The following KCNA4 variants were observed in gnomAD, a reference collection of about 807,000 sequenced individuals.
KCNA4 encodes the protein potassium voltage-gated channel subfamily A member 4, also known as cardiac potassium channel.
KCNA4 carries 5 observed loss-of-function variants against 37.2 expected under a neutral mutation model. That is an observed-to-expected ratio of 0.13 (90% confidence interval 0.07 to 0.28). The LOEUF is 0.28. Ranked by LOEUF, KCNA4 falls within the 10% of genes least tolerant of loss-of-function variation. The pLI, the probability that KCNA4 is intolerant of heterozygous loss-of-function variation, is 1.00. For synonymous variants in KCNA4, 350 were observed against 311.8 expected, an observed-to-expected ratio of 1.12 and a Z score of -1.29; for missense variants, 634 against 817.4, an observed-to-expected ratio of 0.78 and a Z score of 2.74.
rs974475409 is a variant in KCNA4 at position 30,016,807 on chromosome 11, G to T, written c.-1018C>A. 1.3e-5 allele frequency: 5 copies of T among 391,504 alleles called. No individual in the cohort carries two copies. The highest frequency in any genetic ancestry group is 3.6e-5 in the East Asian group (1 of 27,626). 24.3% of individuals were successfully genotyped at this position (391,504 alleles called of 1,614,324 possible). A position where few individuals can be genotyped will look rare whatever the true frequency, so the allele number is the denominator to read the frequency against. On this transcript the variant is annotated 5_prime_UTR_variant, in exon 1 of 2. Coordinates refer to ENST00000328224, the MANE Select transcript of KCNA4 (RefSeq NM_002233.4). ...TCGCGGCTGGAGCCTGGGGGTGGGGGTTGGGGCTGCCCCAGAGAAGACCCC... is the reference window on the plus strand; with the variant it reads ...TCGCGGCTGGAGCCTGGGGGTGGGGTTTGGGGCTGCCCCAGAGAAGACCCC...
rs1850314313 is a variant in KCNA4 at position 30,012,410 on chromosome 11, G to A, written c.269C>T (p.Ser90Phe). Residue 90 changes from serine to phenylalanine, a missense_variant, in exon 2 of 2, where the codon TCT (serine) becomes TTT (phenylalanine). Physicochemically the swap from Ser to Phe is radical, Grantham distance 155. This residue lies in a region of KCNA4 where 236 missense variants were observed against 229.5 expected (regional missense o/e 1.03). Coordinates refer to ENST00000328224, the MANE Select transcript of KCNA4 (RefSeq NM_002233.4). ...RGSRRRRRQR[S>F]EKKKAHYRQS... is the part of the protein sequence containing the mutation. ...CCGGTAGTGGGCTTTCTTCTTCTCA[G>A]ACCGCTGTCGCCTCCTCCTCCGACT... The A allele has an allele frequency of 6.2e-7, 1 of 1,613,762 alleles. No individual in the cohort carries two copies.
At position 30,010,549 on chromosome 11, in the gene KCNA4, T is replaced by C. The variant is rs1471619689; in HGVS notation, c.*168A>G. On this transcript the variant is annotated 3_prime_UTR_variant, in exon 2 of 2. Coordinates refer to ENST00000328224, the MANE Select transcript of KCNA4 (RefSeq NM_002233.4). ...CCTCTTCTCCAAGATGTATCATTTA[T>C]TTGATATGTAATACAAGTTTAGTAA... The C allele has an allele frequency of 9.9e-7, 1 of 1,014,270 alleles. No homozygotes were observed. The highest frequency in any genetic ancestry group is 1.3e-6 in the Non-Finnish European group (1 of 740,842). The allele number at this position is 1,014,270 out of a possible 1,614,324, so 62.8% of individuals were successfully genotyped here.
At position 30,011,041 on chromosome 11, in the gene KCNA4, A is replaced by G. The variant is rs774348833; in HGVS notation, c.1638T>C (p.Ile546=). Residue 546 remains isoleucine, a synonymous_variant, in exon 2 of 2, where the codon ATT becomes ATC. Coordinates refer to ENST00000328224, the MANE Select transcript of KCNA4 (RefSeq NM_002233.4). This position sits in a 1 kb window ranked among gnomAD's most constrained non-coding sequence, Gnocchi z 5.6. ...GGKIVGSLCA[I]AGVLTIALPV... Reference sequence around the variant, plus strand: ...GCAAAGCAATGGTTAAGACACCCGCAATGGCACACAGGGACCCGACAATCT... The same window carrying G: ...GCAAAGCAATGGTTAAGACACCCGCGATGGCACACAGGGACCCGACAATCT... 9 of 1,614,218 alleles carry G rather than the reference A, an allele frequency of 5.6e-6. No homozygotes were observed. Among genetic ancestry groups the G allele is most frequent in the Non-Finnish European group, 7.6e-6 (9 of 1,180,036 alleles).
Position 30,012,183 on chromosome 11 carries a change from A to G in KCNA4, c.496T>C (p.Tyr166His). ...CAGTCACTGTAGCGGACTGAACTGT[A>G]GCCGCCACCGCCCTCATCCTGAGGC... The part of the protein sequence containing the change: ...LLPQDEGGGG[Y>H]SSVRYSDCCE... The change falls in exon 2 of 2, where the codon TAC (tyrosine) becomes CAC (histidine). Residue 166 changes from tyrosine to histidine, a missense_variant. Transcript: ENST00000328224. 5 of 1,614,162 alleles carry G rather than the reference A, an allele frequency of 3.1e-6. No homozygotes were observed. The highest frequency in any genetic ancestry group is 3.4e-6 in the Non-Finnish European group (4 of 1,180,022).
In KCNA4 at chr11:30,012,857, G is replaced by T; in HGVS notation, c.-179C>A. On this transcript the variant is annotated 5_prime_UTR_variant, in exon 2 of 2. Coordinates refer to ENST00000328224, the MANE Select transcript of KCNA4 (RefSeq NM_002233.4). The stretch of plus-strand genomic sequence containing the variant: ...CTGTTTTTAAATCAGCACGCCCCAT[G>T]CTCTCTCTTCTCAGGGATTCAACAT... 2 of 833,412 alleles carry T rather than the reference G, an allele frequency of 2.4e-6. No homozygotes were observed. The highest frequency in any genetic ancestry group is 3.5e-6 in the Non-Finnish European group (2 of 567,976). The allele number at this position is 833,412 out of a possible 1,614,324, so 51.6% of individuals were successfully genotyped here. A position where few individuals can be genotyped will look rare whatever the true frequency, so the allele number is the denominator to read the frequency against.
In KCNA4 at chr11:30,011,929, A is replaced by G. The variant is rs754681856; in HGVS notation, c.750T>C (p.Asp250=). The G allele has an allele frequency of 6.2e-7, 1 of 1,614,134 alleles. No homozygotes were observed. The highest frequency in any genetic ancestry group is 1.1e-5 in the South Asian group (1 of 91,082). ...RLKRPVNVPF[D]IFTEEVKFYQ... The stretch of plus-strand genomic sequence containing the variant: ...AGAACTTCACCTCCTCAGTGAAGAT[A>G]TCAAAGGGGACATTGACTGGCCTCT... Residue 250 remains aspartate (D), a synonymous_variant, in exon 2 of 2, where the codon GAT becomes GAC. Coordinates refer to ENST00000328224, the MANE Select transcript of KCNA4 (RefSeq NM_002233.4). The surrounding 1 kb of genome is among the most constrained non-coding windows in gnomAD (Gnocchi z 5.6).
At position 30,011,677 on chromosome 11, in the gene KCNA4, G is replaced by C. The variant is rs374525769; in HGVS notation, c.1002C>G (p.Asp334Glu). ...TCAGTGCCATGACGAGATCCCTGTC[G>C]TCCCTAAACTCAGGCAAGGTTTCCA... Reference protein sequence around the residue: ...FCLETLPEFRDDRDLVMALSA... With the variant: ...FCLETLPEFREDRDLVMALSA... Residue 334 changes from aspartate (D) to glutamate (E), a missense_variant, in exon 2 of 2, where the codon GAC becomes GAG. By Grantham distance (45) the Asp-to-Glu change is conservative. Coordinates refer to ENST00000328224, the MANE Select transcript of KCNA4 (RefSeq NM_002233.4). This position sits in a 1 kb window ranked among gnomAD's most constrained non-coding sequence, Gnocchi z 5.6. 6.2e-7 allele frequency: 1 copy of C among 1,614,086 alleles called. No homozygotes were observed. The highest frequency in any genetic ancestry group is 1.1e-5 in the South Asian group (1 of 91,076).
chr11:30,009,769 C>G lies in KCNA4; in HGVS notation c.*948G>C, dbSNP rs1850286165. On this transcript the variant is annotated 3_prime_UTR_variant, in exon 2 of 2. Coordinates refer to ENST00000328224, the MANE Select transcript of KCNA4 (RefSeq NM_002233.4). ...GTTGCTAAATTTTACTTCATAATTCCTTTGTCAATCAGTTATTTAGATTTT... is the reference window on the plus strand; with the variant it reads ...GTTGCTAAATTTTACTTCATAATTCGTTTGTCAATCAGTTATTTAGATTTT... The G allele has an allele frequency of 6.6e-6, 1 of 152,114 alleles. No homozygotes were observed. The highest frequency in any genetic ancestry group is 2.4e-5 in the African/African-American group (1 of 41,432). 9.4% of individuals were successfully genotyped at this position (152,114 alleles called of 1,614,324 possible).
rs2133458689 is a variant in KCNA4, at chr11:30,016,892, G to C, written c.-1103C>G. The C allele has an allele frequency of 2.5e-6, 1 of 398,724 alleles. No individual in the cohort carries two copies. Among genetic ancestry groups the C allele is most frequent in the Middle Eastern group, 6.3e-4 (1 of 1,590 alleles). The allele number at this position is 398,724 out of a possible 1,614,324, so 24.7% of individuals were successfully genotyped here. ...GGGATTGCCTGGGAAAGGAAGTCAA[G>C]GTTCCCCCGAAAAGAAACAAAATCC... On this transcript the variant is annotated 5_prime_UTR_variant, in exon 1 of 2. Transcript: ENST00000328224.
In KCNA4 at chr11:30,010,850, T is replaced by C; in HGVS notation, c.1829A>G (p.Glu610Gly). The stretch of plus-strand genomic sequence containing the variant: ...AACTCCTTCTTCCATCTCTAGATAC[T>C]CTGACTTGTCCCCCAGGGAAGAAGA... ...STSSSLGDKS[E>G]YLEMEEGVKE... is the part of the protein sequence containing the mutation. Residue 610 changes from glutamate (E) to glycine (G), a missense_variant, in exon 2 of 2, where the codon GAG becomes GGG. Transcript: ENST00000328224. 6.2e-7 allele frequency: 1 copy of C among 1,614,214 alleles called. No individual in the cohort carries two copies. The highest frequency in any genetic ancestry group is 8.5e-7 in the Non-Finnish European group (1 of 1,180,038).
At position 30,011,449 on chromosome 11, in the gene KCNA4, G is replaced by A; in HGVS notation, c.1230C>T (p.Val410=). The A allele has an allele frequency of 1.2e-6, 2 of 1,614,160 alleles. No homozygotes were observed. The highest frequency in any genetic ancestry group is 1.7e-6 in the Non-Finnish European group (2 of 1,180,014). The change falls in exon 2 of 2, where the codon GTC becomes GTT. Residue 410 remains valine, a synonymous_variant. Transcript: ENST00000328224. The surrounding 1 kb of genome is among the most constrained non-coding windows in gnomAD (Gnocchi z 5.6). The part of the protein sequence containing the change: ...FKNIMNIIDI[V]SILPYFITLG... ...GTGTGATGAAGTAAGGCAAAATGGA[G>A]ACAATGTCAATGATGTTCATGATGT... is the stretch of plus-strand genomic sequence containing the variant.
In KCNA4 at chr11:30,011,571, G is replaced by C; in HGVS notation, c.1108C>G (p.Pro370Ala). 1 of 1,614,026 alleles carries C rather than the reference G, an allele frequency of 6.2e-7. No individual in the cohort carries two copies. Among genetic ancestry groups the C allele is most frequent in the Non-Finnish European group, 8.5e-7 (1 of 1,180,000 alleles). ...ENSGHTIFND[P>A]FFIVETVCIV... ...CAGACTGTTTCCACGATGAAGAAGG[G>C]GTCATTGAATATTGTGTGCCCTGAG... is the stretch of plus-strand genomic sequence containing the variant. Residue 370 changes from proline to alanine, a missense_variant, in exon 2 of 2, where the codon CCC becomes GCC. By Grantham distance (27) the Pro-to-Ala change is conservative. Coordinates refer to ENST00000328224, the MANE Select transcript of KCNA4 (RefSeq NM_002233.4). The surrounding 1 kb of genome is among the most constrained non-coding windows in gnomAD (Gnocchi z 5.6).
chr11:30,016,319 T>C (rs1038819567), intron 1 of KCNA4: 1 of 152,084 alleles, frequency 6.6e-6, no homozygotes, highest in Admixed American at 6.5e-5. Flanking sequence ...TCCAGCACGT[T>C]AAGCAGGGCG....
Position 30,011,606 on chromosome 11 carries a change from T to A in KCNA4, c.1073A>T (p.His358Leu). The A allele has an allele frequency of 6.2e-7, 1 of 1,614,074 alleles. No individual in the cohort carries two copies. Among genetic ancestry groups the A allele is most frequent in the Non-Finnish European group, 8.5e-7 (1 of 1,180,026 alleles). Residue 358 changes from histidine to leucine, a missense_variant, in exon 2 of 2, where the codon CAT (histidine) becomes CTT (leucine). Coordinates refer to ENST00000328224, the MANE Select transcript of KCNA4 (RefSeq NM_002233.4). This position sits in a 1 kb window ranked among gnomAD's most constrained non-coding sequence, Gnocchi z 5.6. Reference sequence around the variant, plus strand: ...TATTGTGTGCCCTGAGTTCTCCAGATGGGGTGCTGAAGTATCATTCAACAA... The same window carrying A: ...TATTGTGTGCCCTGAGTTCTCCAGAAGGGGTGCTGAAGTATCATTCAACAA... ...GGLLNDTSAPHLENSGHTIFN... is the reference protein window; with the variant it reads ...GGLLNDTSAPLLENSGHTIFN...
In KCNA4 at chr11:30,012,921, G is replaced by C. The variant is rs150400771; in HGVS notation, c.-243C>G. On this transcript the variant is annotated 5_prime_UTR_variant, in exon 2 of 2. Transcript: ENST00000328224. ...TTGGCTGGTCGAGATAAATAGCCTG[G>C]CACTCTCAAGACTAAGAAGTCCGAA... 3.9e-3 allele frequency: 1,751 copies of C among 448,206 alleles called. 5 individuals carry two copies. The highest frequency in any genetic ancestry group is 5.9e-3 in the Admixed American group (142 of 24,194). 27.8% of individuals were successfully genotyped at this position (448,206 alleles called of 1,614,324 possible). A position where few individuals can be genotyped will look rare whatever the true frequency, so the allele number is the denominator to read the frequency against.
At position 30,011,245 on chromosome 11, in the gene KCNA4, C is replaced by A. The variant is rs773947606; in HGVS notation, c.1434G>T (p.Leu478=). The A allele has an allele frequency of 6.2e-7, 1 of 1,614,152 alleles. No homozygotes were observed. The highest frequency in any genetic ancestry group is 8.5e-7 in the Non-Finnish European group (1 of 1,180,036). ...GHTLRASMRE[L]GLLIFFLFIG... Reference sequence around the variant, plus strand: ...TGAAGAGGAAGAAGATCAGAAGGCCCAGTTCCCGCATGCTGGCTCTGAGGG... The same window carrying A: ...TGAAGAGGAAGAAGATCAGAAGGCCAAGTTCCCGCATGCTGGCTCTGAGGG... The change falls in exon 2 of 2, where the codon CTG becomes CTT. Residue 478 remains leucine, a synonymous_variant. Coordinates refer to ENST00000328224, the MANE Select transcript of KCNA4 (RefSeq NM_002233.4). This position sits in a 1 kb window ranked among gnomAD's most constrained non-coding sequence, Gnocchi z 5.6.
chr11:30,013,623 T>C (rs1055962674), intron 1 of KCNA4, among the ~76,000 whole-genome samples, 163 bp from the exon 2 acceptor site: 1 of 152,230 alleles, frequency 6.6e-6, no homozygotes, highest in Non-Finnish European at 1.5e-5. Context: ...GGCAGGCTAT[T>C]CTCACTCACT....
At position 30,013,439 on chromosome 11, in the gene KCNA4, T is replaced by C. The variant is rs1331380559; in HGVS notation, c.-761A>G. The C allele has an allele frequency of 6.0e-6, 1 of 166,648 alleles. No homozygotes were observed. The highest frequency in any genetic ancestry group is 1.5e-5 in the Non-Finnish European group (1 of 68,124). 10.3% of individuals were successfully genotyped at this position (166,648 alleles called of 1,614,324 possible). A position where few individuals can be genotyped will look rare whatever the true frequency, so the allele number is the denominator to read the frequency against. Reference sequence around the variant, plus strand: ...AATGCAGAGCATTCTTCAGCCAAAATCATGCAGAAGAAGCACTTCACCTGA... The same window carrying C: ...AATGCAGAGCATTCTTCAGCCAAAACCATGCAGAAGAAGCACTTCACCTGA... On this transcript the variant is annotated 5_prime_UTR_variant, in exon 2 of 2. Transcript: ENST00000328224.
rs760802590 is a variant in KCNA4, at chr11:30,010,797, TCTC to T, written c.1879_1881del (p.Glu627del). 26 of 1,614,086 alleles carry T rather than the reference TCTC, an allele frequency of 1.6e-5. No individual in the cohort carries two copies. Among genetic ancestry groups the T allele is most frequent in the East Asian group, 1.6e-4 (7 of 44,884 alleles). On this transcript the variant is annotated inframe_deletion, in exon 2 of 2. Transcript: ENST00000328224. ...CTGTCATCCCCCTTTCCCTGACACTTCTCCTCCTTTGCACACAGAGATTCCTTA... is the reference window on the plus strand; with the variant it reads ...CTGTCATCCCCCTTTCCCTGACACTTCTCCTTTGCACACAGAGATTCCTTA...
Sources: gnomAD v4.1 joint callset for allele counts (sites outside exome capture counted in the v4.1 genomes callset) on GRCh38, gnomAD v4.1.1 for gene constraint, gnomAD v4.1.1 regional missense constraint, Gnocchi (gnomAD v3.1) non-coding constraint, MANE v1.5 for transcripts, NCBI Gene and HGNC (gene_info 2026-07-23, HGNC 2026-07-21) for gene names.